SLIT3: variants seen among roughly 807,000 people sequenced by gnomAD.
SLIT3 encodes the protein slit guidance ligand 3.
A neutral mutation model predicts 184.0 loss-of-function variants in SLIT3; 68 were observed. The ratio of observed to expected loss-of-function variants is 0.37; its 90% CI spans 0.30 to 0.45. The LOEUF is 0.45. SLIT3 is among the 20% of genes least tolerant of loss of function. The pLI is 1.00. For synonymous variants in SLIT3, 831 were observed against 828.6 expected, an observed-to-expected ratio of 1.00 and a Z score of -0.05; for missense variants, 1,707 against 2,026.0, an observed-to-expected ratio of 0.84 and a Z score of 3.02.
intron 4 of SLIT3, among the ~76,000 whole-genome samples, chr5:169,148,716 C>T (rs1053719341): frequency 6.6e-6 from 1 of 152,128 alleles, no homozygotes; most frequent in Non-Finnish European, 1.5e-5. Flanking sequence ...GGCATTGGTG[C>T]TCAGTATAAA....
At chr5:169,249,796 A>G (rs1173352610) in intron 2 of SLIT3, among the ~76,000 whole-genome samples, 6 of 152,214 alleles carry the variant, frequency 3.9e-5, no homozygotes, top group South Asian at 4.1e-4. Flanking sequence ...TGACAGATAC[A>G]TGGCTGCTGG....
chr5:168,849,156 T>A (rs1758587573), intron 5 of SLIT3, among the ~76,000 whole-genome samples: 1 of 152,204 alleles, frequency 6.6e-6, no homozygotes, highest in Non-Finnish European at 1.5e-5. Flanking sequence ...GCTTTGGGTA[T>A]CTGGAAGAAA....
chr5:168,974,414 C>T (rs929066555), intron 4 of SLIT3, among the ~76,000 whole-genome samples: 2 of 152,204 alleles, frequency 1.3e-5, no homozygotes, highest in Admixed American at 1.3e-4. Context: ...AGAAAACAGA[C>T]TTTTAAAAAG....
intron 4 of SLIT3, among the ~76,000 whole-genome samples, chr5:169,086,699 A>G (rs1209281330): frequency 6.6e-6 from 1 of 152,224 alleles, no homozygotes; most frequent in Non-Finnish European, 1.5e-5. Flanking sequence ...AACTTTCTGA[A>G]AGCAGTTTGG....
chr5:168,711,773 G>T (rs913176615), intron 24 of SLIT3, among the ~76,000 whole-genome samples: 1 of 152,140 alleles, frequency 6.6e-6, no homozygotes, highest in Admixed American at 6.6e-5. Context: ...ACATCTCACT[G>T]ACCTGATAGT....
chr5:168,988,052 C>G (rs911979917), intron 4 of SLIT3, among the ~76,000 whole-genome samples: 1 of 152,242 alleles, frequency 6.6e-6, no homozygotes, highest in African/African-American at 2.4e-5. Flanking sequence ...CATCAGAAAG[C>G]CTGCGGGGTT....
intron 4 of SLIT3, among the ~76,000 whole-genome samples, chr5:168,981,088 G>A (rs1218842950): frequency 1.3e-5 from 2 of 152,078 alleles, no homozygotes; most frequent in Non-Finnish European, 2.9e-5. Flanking sequence ...AAGAATAAAA[G>A]CATTGAAAAT....
chr5:169,196,069 C>A (rs1470684285), intron 3 of SLIT3, among the ~76,000 whole-genome samples: 1 of 152,106 alleles, frequency 6.6e-6, no homozygotes, highest in African/African-American at 2.4e-5. Flanking sequence ...CAGCCCCTGG[C>A]AATCACCGTT....
intron 4 of SLIT3, among the ~76,000 whole-genome samples, chr5:168,940,641 T>C (rs1762301218): frequency 6.6e-6 from 1 of 152,158 alleles, no homozygotes; most frequent in Non-Finnish European, 1.5e-5. Context: ...AACTTGGAGA[T>C]GTGAAATAAA....
chr5:169,094,664 C>A (rs543739906), intron 4 of SLIT3, among the ~76,000 whole-genome samples: 4 of 152,290 alleles, frequency 2.6e-5, no homozygotes, highest in African/African-American at 9.6e-5. Flanking sequence ...ACTCACTATG[C>A]CCCCTCCAAA....
chr5:168,955,989 G>A (rs543511040), intron 4 of SLIT3, among the ~76,000 whole-genome samples: 19 of 152,250 alleles, frequency 1.2e-4, no homozygotes, highest in African/African-American at 3.4e-4. Context: ...TGTCCATAGC[G>A]GCAAAATGAA....
At chr5:168,897,302 C>A (rs1032739957) in intron 4 of SLIT3, among the ~76,000 whole-genome samples, 3 of 152,090 alleles carry the variant, frequency 2.0e-5, no homozygotes, top group Admixed American at 2.0e-4. Flanking sequence ...ATCTCCAAAC[C>A]CCATGGAGGA....
chr5:169,249,702 C>T (rs1414699570), intron 2 of SLIT3, among the ~76,000 whole-genome samples: 1 of 152,208 alleles, frequency 6.6e-6, no homozygotes, highest in African/African-American at 2.4e-5. Flanking sequence ...AACAATCGCC[C>T]TAAAACTGAA....
chr5:169,206,881 A>G (rs1399349658), intron 3 of SLIT3, among the ~76,000 whole-genome samples: 1 of 152,064 alleles, frequency 6.6e-6, no homozygotes, highest in Non-Finnish European at 1.5e-5. Context: ...TTTCTTCCCG[A>G]TTCAGGTCCA....
At chr5:168,714,223 T>C (rs1023917900) in intron 23 of SLIT3, among the ~76,000 whole-genome samples, 7 of 152,246 alleles carry the variant, frequency 4.6e-5, no homozygotes, top group African/African-American at 1.7e-4. Flanking sequence ...CATGAGGTTA[T>C]TTATGAATCA....
chr5:168,726,485 AGGGAGG>A lies in SLIT3; in HGVS notation c.2271-2007_2271-2002del, dbSNP rs1346071975. ...GGGAGGGAGAGGGAGGGAGGAAGGG[AGGGAGG>A]GAGAGGGAGGCAGGGAGGGAGAGGG... On this transcript the variant is annotated intron_variant, in intron 20 of 35. Transcript: ENST00000519560. 4.8e-4 allele frequency among the ~76,000 whole-genome samples: 39 copies of A among 81,722 alleles called. 3 individuals carry two copies. Among genetic ancestry groups the A allele is most frequent in the African/African-American group, 1.2e-3 (24 of 20,368 alleles). The allele number at this position is 81,722 out of a possible 152,430, so 53.6% of individuals were successfully genotyped here.
At chr5:168,774,205 A>C in intron 13 of SLIT3, 30 bp downstream of exon 13, 1 of 1,569,004 alleles carries the variant, frequency 6.4e-7, no homozygotes, top group Non-Finnish European at 8.6e-7. Context: ...CTGCTTGGGC[A>C]CCCACTGGCA....
chr5:168,792,609 C>T (rs954858698), intron 10 of SLIT3, among the ~76,000 whole-genome samples: 2 of 152,162 alleles, frequency 1.3e-5, no homozygotes, highest in African/African-American at 4.8e-5. Flanking sequence ...TTAGGAAGTC[C>T]TGGAGCTTGT....
At chr5:168,979,022 T>G (rs1220053125) in intron 4 of SLIT3, among the ~76,000 whole-genome samples, 2 of 151,992 alleles carry the variant, frequency 1.3e-5, no homozygotes, top group Non-Finnish European at 2.9e-5. Flanking sequence ...TGACTGGAGG[T>G]AGGATGGGGA....
Sources: gnomAD v4.1 joint callset for allele counts (sites outside exome capture counted in the v4.1 genomes callset) on GRCh38, gnomAD v4.1.1 for gene constraint, MANE v1.5 for transcripts, NCBI Gene and HGNC (gene_info 2026-07-23, HGNC 2026-07-21) for gene names.